The following TNFRSF1B variants were observed in gnomAD, a reference collection of about 807,000 sequenced individuals.
TNFRSF1B encodes the protein tumor necrosis factor receptor superfamily member 1B.
A neutral mutation model predicts 44.6 loss-of-function variants in TNFRSF1B; 19 were observed. The observed-to-expected ratio is 0.43, with a 90% CI of 0.30 to 0.62. TNFRSF1B has a LOEUF of 0.62. Among genes scored for constraint, TNFRSF1B ranks in the 20% least tolerant of loss-of-function variants. The pLI is 0.16. For synonymous variants in TNFRSF1B, 252 were observed against 261.1 expected (o/e 0.97, Z 0.34); for missense variants, 541 against 619.9 (o/e 0.87, Z 1.35).
In TNFRSF1B at chr1:12,188,973, T is replaced by C. The variant is rs1639050048; in HGVS notation, c.178+78T>C. The C allele has an allele frequency of 3.0e-6, 4 of 1,323,170 alleles. No homozygotes were observed. In the East Asian group the frequency reaches 7.1e-5, roughly 24 times the overall value. The allele number at this position is 1,323,170 out of a possible 1,614,324, so 82.0% of individuals were successfully genotyped here. On this transcript the variant is annotated intron_variant, in intron 2 of 9. Transcript: ENST00000376259. ...GTACAGGGGCTGGGGCGCAAGAGCA[T>C]AGCCCTTGATTCTTACTGAACTCCT...
chr1:12,198,192 T>A (rs889589070), intron 8 of TNFRSF1B, among the ~76,000 whole-genome samples: 9 of 151,182 alleles, frequency 6.0e-5, no homozygotes, highest in African/African-American at 2.2e-4. Context: ...GACACACTCA[T>A]GCACGGACCC....
intron 1 of TNFRSF1B, among the ~76,000 whole-genome samples, chr1:12,185,645 T>A (rs554869590): frequency 6.6e-6 from 1 of 152,318 alleles, no homozygotes; most frequent in African/African-American, 2.4e-5. Context: ...TGCCCAGAAT[T>A]CACCATAGCT....
At chr1:12,198,871 T>G (rs1035724286) in intron 8 of TNFRSF1B, among the ~76,000 whole-genome samples, 1 of 151,988 alleles carries the variant, frequency 6.6e-6, no homozygotes, top group African/African-American at 2.4e-5. Flanking sequence ...TTTGTATTTT[T>G]AGTAGAGACG....
chr1:12,187,590 G>T lies in TNFRSF1B; in HGVS notation c.79-1206G>T, dbSNP rs112099871. 4.1e-4 allele frequency among the ~76,000 whole-genome samples: 63 copies of T among 152,320 alleles called. 1 individual carries two copies. Among genetic ancestry groups the T allele is most frequent in the African/African-American group, 1.4e-3 (59 of 41,562 alleles). ...GTCACTTACCAGGTCTGGGACCTTG[G>T]GCAGGTGACCTGCCCTCTCAGGCCT... On this transcript the variant is annotated intron_variant, in intron 1 of 9. Coordinates refer to ENST00000376259, the MANE Select transcript of TNFRSF1B (RefSeq NM_001066.3). This position sits in a 1 kb window ranked among gnomAD's most constrained non-coding sequence, Gnocchi z 5.5.
At chr1:12,193,340 A>G (rs1639193572) in intron 6 of TNFRSF1B, among the ~76,000 whole-genome samples, 2 of 152,222 alleles carry the variant, frequency 1.3e-5, no homozygotes, top group South Asian at 2.1e-4. Flanking sequence ...TGGGAGGCCA[A>G]GGAGGCTGGA....
intron 1 of TNFRSF1B, among the ~76,000 whole-genome samples, chr1:12,188,281 G>C (rs1026488031): frequency 1.3e-5 from 2 of 152,190 alleles, no homozygotes; most frequent in South Asian, 4.1e-4. Flanking sequence ...TGTTAGAGGG[G>C]TCATAACCCA....
At chr1:12,200,412 G>T (rs1639360749) in intron 8 of TNFRSF1B, among the ~76,000 whole-genome samples, 1 of 151,948 alleles carries the variant, frequency 6.6e-6, no homozygotes, top group African/African-American at 2.4e-5. Context: ...GAGCGCAAAG[G>T]TCTGCACGCT....
intron 1 of TNFRSF1B, among the ~76,000 whole-genome samples, chr1:12,181,584 T>C (rs1441860772): frequency 6.6e-6 from 1 of 152,082 alleles, no homozygotes; most frequent in South Asian, 2.1e-4. Context: ...CACCTCTCCA[T>C]ATGCACATAG....
rs1570183079 is a variant in TNFRSF1B, at chr1:12,207,326, A to G, written c.*306A>G. Reference sequence around the variant, plus strand: ...TCTGTGACCTGCCCCGCCCAGCTGCACCTGCCAGCCTGGCTTCTGGAGCCC... The same window carrying G: ...TCTGTGACCTGCCCCGCCCAGCTGCGCCTGCCAGCCTGGCTTCTGGAGCCC... On this transcript the variant is annotated 3_prime_UTR_variant, in exon 10 of 10. Transcript: ENST00000376259. 8.5e-6 allele frequency: 3 copies of G among 353,006 alleles called. No homozygotes were observed. The highest frequency in any genetic ancestry group is 1.0e-5 in the Non-Finnish European group (2 of 197,394). 21.9% of individuals were successfully genotyped at this position (353,006 alleles called of 1,614,324 possible). A position where few individuals can be genotyped will look rare whatever the true frequency, so the allele number is the denominator to read the frequency against.
At chr1:12,170,952 A>C (rs1469288752) in intron 1 of TNFRSF1B, among the ~76,000 whole-genome samples, 1 of 151,784 alleles carries the variant, frequency 6.6e-6, no homozygotes, top group Non-Finnish European at 1.5e-5. Context: ...CTGGGATTAC[A>C]AGCATGTGCC....
In TNFRSF1B at chr1:12,194,039, G is replaced by C; in HGVS notation, c.865+7G>C. 1.2e-6 allele frequency: 2 copies of C among 1,612,656 alleles called. No homozygotes were observed. The highest frequency in any genetic ancestry group is 1.7e-6 in the Non-Finnish European group (2 of 1,178,694). ...ATCATGACCCAGGTGAAAAGTAAGA[G>C]TCCATCCTTCCTTCCTTCATCCACT... On this transcript the variant is annotated splice_region_variant and intron_variant, in intron 7 of 9. Coordinates refer to ENST00000376259, the MANE Select transcript of TNFRSF1B (RefSeq NM_001066.3).
intron 1 of TNFRSF1B, among the ~76,000 whole-genome samples, chr1:12,175,967 C>T (rs561722983): frequency 6.6e-6 from 1 of 151,946 alleles, no homozygotes; most frequent in Non-Finnish European, 1.5e-5. Flanking sequence ...GTAATCCCAG[C>T]ACTTTGGGAG....
At position 12,187,587 on chromosome 1, in the gene TNFRSF1B, T is replaced by A. The variant is rs1340023359; in HGVS notation, c.79-1209T>A. On this transcript the variant is annotated intron_variant, in intron 1 of 9. Transcript: ENST00000376259. This position sits in a 1 kb window ranked among gnomAD's most constrained non-coding sequence, Gnocchi z 5.5. ...TCTGTCACTTACCAGGTCTGGGACC[T>A]TGGGCAGGTGACCTGCCCTCTCAGG... Among the ~76,000 whole-genome samples the A allele has an allele frequency of 6.6e-6, 1 of 152,260 alleles. No homozygotes were observed. The highest frequency in any genetic ancestry group is 1.5e-5 in the Non-Finnish European group (1 of 68,046).
rs1051501920 is a variant in TNFRSF1B at position 12,207,401 on chromosome 1, G to A, written c.*381G>A. Reference sequence around the variant, plus strand: ...TTTGTTTGTTTGTTTCTCCCCCTGGGCTCTGCCCCAGCTCTGGCTTCCAGA... The same window carrying A: ...TTTGTTTGTTTGTTTCTCCCCCTGGACTCTGCCCCAGCTCTGGCTTCCAGA... On this transcript the variant is annotated 3_prime_UTR_variant, in exon 10 of 10. Transcript: ENST00000376259. 1.3e-4 allele frequency: 26 copies of A among 206,858 alleles called. No homozygotes were observed. Among genetic ancestry groups the A allele is most frequent in the South Asian group, 5.0e-4 (3 of 5,990 alleles). The allele number at this position is 206,858 out of a possible 1,614,324, so 12.8% of individuals were successfully genotyped here.
chr1:12,183,727 A>ATCTT (rs753840130), intron 1 of TNFRSF1B, among the ~76,000 whole-genome samples: 1 of 121,148 alleles, frequency 8.3e-6, no homozygotes, highest in Non-Finnish European at 1.9e-5. Flanking sequence ...CTACCTATCT[A>ATCTT]TCTATCTATC....
Position 12,198,981 on chromosome 1 carries a change from C to T in TNFRSF1B, c.901-2986C>T, listed in dbSNP as rs186012590. Among the ~76,000 whole-genome samples the T allele has an allele frequency of 2.2e-3, 342 of 152,206 alleles. 1 individual carries two copies. The highest frequency in any genetic ancestry group is 7.9e-3 in the African/African-American group (326 of 41,528). On this transcript the variant is annotated intron_variant, in intron 8 of 9. Coordinates refer to ENST00000376259, the MANE Select transcript of TNFRSF1B (RefSeq NM_001066.3). Reference sequence around the variant, plus strand: ...GTGCTGGGATTACAGGTGTGAGCCACTGCGCCCGGCCCTGGGATCCTGTGT... The same window carrying T: ...GTGCTGGGATTACAGGTGTGAGCCATTGCGCCCGGCCCTGGGATCCTGTGT...
chr1:12,194,556 TCTTA>T (rs769165814), intron 7 of TNFRSF1B, 24 bp from the exon 8 acceptor site: 1 of 1,614,020 alleles, frequency 6.2e-7, no homozygotes, highest in East Asian at 2.2e-5. Context: ...GAAGTCAATC[TCTTA>T]CTTGTCCCCT....
At chr1:12,188,087 A>G (rs1336342995) in intron 1 of TNFRSF1B, among the ~76,000 whole-genome samples, 1 of 152,158 alleles carries the variant, frequency 6.6e-6, no homozygotes, top group Non-Finnish European at 1.5e-5. Flanking sequence ...GTCATAACCA[A>G]CATTCAGCTG....
In TNFRSF1B at chr1:12,189,594, G is replaced by T. The variant is rs190107104; in HGVS notation, c.178+699G>T. The stretch of plus-strand genomic sequence containing the variant: ...TATTCATTCATGTCATGATTATAAG[G>T]TATCTGCTGTGTGTTCTAAGTGCTG... On this transcript the variant is annotated intron_variant, in intron 2 of 9. Coordinates refer to ENST00000376259, the MANE Select transcript of TNFRSF1B (RefSeq NM_001066.3). Among the ~76,000 whole-genome samples the T allele has an allele frequency of 3.3e-5, 5 of 152,142 alleles. No homozygotes were observed. In the South Asian group the frequency reaches 8.3e-4, roughly 25 times the overall value.
Sources: allele counts gnomAD v4.1 joint callset (sites outside exome capture counted in the v4.1 genomes callset), GRCh38; gene constraint gnomAD v4.1.1; non-coding constraint Gnocchi (gnomAD v3.1); transcripts MANE v1.5; gene names NCBI Gene and HGNC (gene_info 2026-07-23, HGNC 2026-07-21).